KIF7: variants seen among roughly 807,000 people sequenced by gnomAD.
KIF7 encodes kinesin-like protein KIF7.
In KIF7, 104 loss-of-function variants were observed where a neutral mutation model predicts 135.7. The ratio of observed to expected loss-of-function variants is 0.77; its 90% CI spans 0.65 to 0.90. The LOEUF (loss-of-function observed/expected upper bound fraction) is 0.90. KIF7 is among the 40% of genes least tolerant of loss of function. KIF7 has a pLI of 0.00. For synonymous variants in KIF7, 883 were observed against 809.4 expected, an observed-to-expected ratio of 1.09 and a Z score of -1.54; for missense variants, 2,005 against 1,839.1, an observed-to-expected ratio of 1.09 and a Z score of -1.65.
At chr15:89,635,225 G>A (rs1018180101) in intron 11 of KIF7, among the ~76,000 whole-genome samples, 11 of 152,128 alleles carry the variant, frequency 7.2e-5, no homozygotes, top group Non-Finnish European at 1.6e-4. Context: ...CAAAGATGGG[G>A]AAAAAACAGA....
intron 1 of KIF7, among the ~76,000 whole-genome samples, chr15:89,619,221 C>CT (rs386383750): frequency 0.016 from 1,761 of 111,922 alleles, 94 homozygotes; most frequent in African/African-American, 0.048. Context: ...CACCATTCTT[C>CT]TTTTTTTTTT....
chr15:89,630,686 C>T lies in KIF7; in HGVS notation c.3112-193G>A. 3 of 647,866 alleles carry T rather than the reference C, an allele frequency of 4.6e-6. No homozygotes were observed. The East Asian group carries it at 8.2e-5, about 18-fold the overall frequency. 40.1% of individuals were successfully genotyped at this position (647,866 alleles called of 1,614,324 possible). A position where few individuals can be genotyped will look rare whatever the true frequency, so the allele number is the denominator to read the frequency against. The stretch of plus-strand genomic sequence containing the variant: ...CCCCAACCCCAGGGTGAGCTGGGGG[C>T]ACTGCTCAGAGGTGGCCTGCTCAAC... On this transcript the variant is annotated intron_variant, in intron 15 of 18. Coordinates refer to ENST00000394412, the MANE Select transcript of KIF7 (RefSeq NM_198525.3).
chr15:89,617,957 G>A, intron 2 of KIF7: 3 of 645,028 alleles, frequency 4.7e-6, no homozygotes, highest in East Asian at 5.2e-5. Context: ...CTCCTAAGGT[G>A]CTGGGATTAC....
chr15:89,626,766 G>T (rs1395972884), downstream of KIF7, among the ~76,000 whole-genome samples: 2 of 152,170 alleles, frequency 1.3e-5, no homozygotes, highest in African/African-American at 4.8e-5. Context: ...TGCCAGCACG[G>T]TGCATAGCTG....
chr15:89,646,143 CAAAT>C, intron 7 of KIF7, 117 bp from the exon 8 acceptor site: 1 of 1,289,744 alleles, frequency 7.8e-7, no homozygotes, highest in Non-Finnish European at 1.1e-6. Flanking sequence ...TGATCCAGCT[CAAAT>C]GACCCCTCTG....
intron 1 of KIF7, among the ~76,000 whole-genome samples, chr15:89,653,188 G>A (rs1359804904): frequency 1.3e-5 from 2 of 152,164 alleles, no homozygotes; most frequent in African/African-American, 4.8e-5. Context: ...GCGAAATGAG[G>A]CCCTAACTCC....
chr15:89,656,386 G>C (rs1031857828), upstream of KIF7, among the ~76,000 whole-genome samples: 10 of 149,892 alleles, frequency 6.7e-5, no homozygotes, highest in Admixed American at 5.3e-4. Context: ...ATCAACTTCA[G>C]ACACAAAACG....
At chr15:89,637,363 A>C (rs1390677506) in intron 11 of KIF7, among the ~76,000 whole-genome samples, 1 of 150,506 alleles carries the variant, frequency 6.6e-6, no homozygotes, top group African/African-American at 2.4e-5. Context: ...GACACAAAAA[A>C]CCCTTCAAAA....
downstream of KIF7, among the ~76,000 whole-genome samples, chr15:89,623,196 T>C (rs1312874200): frequency 6.6e-6 from 1 of 152,202 alleles, no homozygotes; most frequent in Non-Finnish European, 1.5e-5. Context: ...GCCTGGCACA[T>C]AGCAGGTGAT....
chr15:89,628,838 C>T (rs760900374), intron 18 of KIF7, 52 bp from the exon 19 acceptor site: 17 of 1,611,626 alleles, frequency 1.1e-5, no homozygotes, highest in East Asian at 2.2e-5. Context: ...AACACCTTCC[C>T]GAAGCCCTAG....
chr15:89,652,603 C>T lies in KIF7; in HGVS notation c.328G>A (p.Ala110Thr). ...KTYTMGEASV[A>T]SLLEDEQGIV... ...CAGGGCCACGAACAGGGTCACTCACCCACACTGGCCTCCCCCATGGTGTAT... is the reference window on the plus strand; with the variant it reads ...CAGGGCCACGAACAGGGTCACTCACTCACACTGGCCTCCCCCATGGTGTAT... Residue 110 changes from alanine (A) to threonine (T), a missense_variant and splice_region_variant, in exon 2 of 19, where the codon GCC (alanine) becomes ACC (threonine). By Grantham distance (58) the Ala-to-Thr change is moderately conservative. Transcript: ENST00000394412. 1.3e-6 allele frequency: 2 copies of T among 1,517,816 alleles called. No individual in the cohort carries two copies. Among genetic ancestry groups the T allele is most frequent in the Non-Finnish European group, 1.8e-6 (2 of 1,123,464 alleles). The allele number at this position is 1,517,816 out of a possible 1,614,324, so 94.0% of individuals were successfully genotyped here.
intron 11 of KIF7, among the ~76,000 whole-genome samples, chr15:89,634,414 A>G (rs1481746711): frequency 1.3e-5 from 2 of 152,188 alleles, no homozygotes; most frequent in Non-Finnish European, 2.9e-5. Context: ...CATCTGAGGT[A>G]CTGGGTTCAT....
downstream of KIF7, chr15:89,625,765 G>C: frequency 6.2e-7 from 1 of 1,605,054 alleles, no homozygotes; most frequent in Non-Finnish European, 8.5e-7. Context: ...CTCCACGGGA[G>C]ACGAAGAGGT....
intron 2 of KIF7, among the ~76,000 whole-genome samples, chr15:89,650,630 G>A (rs1422409191): frequency 6.6e-6 from 1 of 152,192 alleles, no homozygotes; most frequent in East Asian, 1.9e-4. Context: ...CTGACCTCGT[G>A]ATCCGCCGGC....
rs993149094 is a variant in KIF7 at position 89,645,983 on chromosome 15, T to A, written c.1832A>T (p.Glu611Val). ...AGAGCCACTTCCCAGCCTGTTCACC[T>A]CAGTCAGCAACTCAGCTCCAGCCTC... ...GREAGAELLT[E>V]VNRLGSGSSA... Residue 611 changes from glutamate to valine, a missense_variant, in exon 8 of 19, where the codon GAG becomes GTG. Glu to Val is a moderately radical substitution (Grantham distance 121, BLOSUM62 -2). Transcript: ENST00000394412. 3.7e-6 allele frequency: 6 copies of A among 1,613,854 alleles called. No homozygotes were observed. The highest frequency in any genetic ancestry group is 3.4e-6 in the Non-Finnish European group (4 of 1,179,988).
chr15:89,625,712 A>G (rs1963509896), downstream of KIF7: 4 of 1,612,910 alleles, frequency 2.5e-6, no homozygotes, highest in Non-Finnish European at 3.4e-6. Context: ...GAAGTTAGTA[A>G]GAGTAAAGAG....
At chr15:89,622,450 A>G (rs1384212919) in intron 1 of KIF7, among the ~76,000 whole-genome samples, 1 of 152,194 alleles carries the variant, frequency 6.6e-6, no homozygotes, top group African/African-American at 2.4e-5. Context: ...TTTGCTTAAA[A>G]TGTTCACTTT....
At chr15:89,643,532 A>G (rs1225268386) in intron 10 of KIF7, among the ~76,000 whole-genome samples, 1 of 152,224 alleles carries the variant, frequency 6.6e-6, no homozygotes, top group African/African-American at 2.4e-5. Context: ...GCCTGATTCA[A>G]GCGATCCAGC....
At chr15:89,660,956 C>T in the KIF7 span, among the ~76,000 whole-genome samples, 2 of 152,202 alleles carry the variant, frequency 1.3e-5, no homozygotes, top group Non-Finnish European at 2.9e-5. Flanking sequence ...CCATGCACAG[C>T]CTGGAGCCAA....
Sources: allele counts gnomAD v4.1 joint callset (sites outside exome capture counted in the v4.1 genomes callset), GRCh38; gene constraint gnomAD v4.1.1; transcripts MANE v1.5; gene names NCBI Gene and HGNC (gene_info 2026-07-23, HGNC 2026-07-21).